SLC25A21: variants seen among roughly 807,000 people sequenced by gnomAD.
The protein encoded by SLC25A21 is mitochondrial 2-oxodicarboxylate carrier.
SLC25A21 carries 47 observed loss-of-function variants against 43.8 expected under a neutral mutation model. The observed-to-expected ratio is 1.07, with a 90% confidence interval of 0.85 to 1.37. The LOEUF is 1.37. SLC25A21 is among the 40% of genes most tolerant of loss of function. The probability of loss-of-function intolerance (pLI) is 0.00; values close to 1 mark genes in which losing one functional copy is unlikely to be tolerated. For synonymous variants in SLC25A21, 131 were observed against 121.3 expected (o/e 1.08, Z -0.52); for missense variants, 352 against 350.2 (o/e 1.00, Z -0.04).
chr14:36,762,919 T>C (rs1235066587), intron 3 of SLC25A21, among the ~76,000 whole-genome samples: 1 of 152,210 alleles, frequency 6.6e-6, no homozygotes, highest in Non-Finnish European at 1.5e-5. Context: ...ACATACTTAT[T>C]CAGACAATTT....
At chr14:37,009,270 A>G in intron 1 of SLC25A21, among the ~76,000 whole-genome samples, 1 of 152,066 alleles carries the variant, frequency 6.6e-6, no homozygotes, top group East Asian at 1.9e-4. Flanking sequence ...GGTGAATCAT[A>G]TGAGGTCAGG....
rs905660716 is a variant in SLC25A21, at chr14:36,832,892, T to C, written c.120-18891A>G. On this transcript the variant is annotated intron_variant, in intron 2 of 9. Coordinates refer to ENST00000331299, the MANE Select transcript of SLC25A21 (RefSeq NM_030631.4). ...TTTTTTGTGATTAAGCAATAAAGAA[T>C]ATTGTATCAGATTCTATTTGTACTT... Among the ~76,000 whole-genome samples, 6 of 152,192 alleles carry C rather than the reference T, an allele frequency of 3.9e-5. No homozygotes were observed. The East Asian group carries it at 1.2e-3, about 29-fold the overall frequency.
Position 36,934,337 on chromosome 14 carries a change from G to A in SLC25A21, c.71-59333C>T, listed in dbSNP as rs546785442. Among the ~76,000 whole-genome samples, 70 of 152,058 alleles carry A rather than the reference G, an allele frequency of 4.6e-4. 1 individual carries two copies. Among genetic ancestry groups the A allele is most frequent in the African/African-American group, 1.7e-3 (69 of 41,496 alleles). On this transcript the variant is annotated intron_variant, in intron 1 of 9. Transcript: ENST00000331299. ...AGGAAGGAGAATCTCTATAATTGAA[G>A]TGCTGAAGCAAAAGGAAACCCACAA...
chr14:36,914,990 T>C (rs1007915136), intron 1 of SLC25A21, among the ~76,000 whole-genome samples: 6 of 151,984 alleles, frequency 3.9e-5, no homozygotes, highest in Non-Finnish European at 7.4e-5. Flanking sequence ...TTGTTTAATA[T>C]AAGAAGATTT....
chr14:37,009,721 T>C (rs534268752), intron 1 of SLC25A21, among the ~76,000 whole-genome samples: 3 of 152,284 alleles, frequency 2.0e-5, no homozygotes, highest in East Asian at 3.9e-4. Flanking sequence ...AGCCTAGCCA[T>C]AGAATGCCCA....
chr14:37,125,715 T>C (rs932476711), intron 1 of SLC25A21, among the ~76,000 whole-genome samples: 5 of 152,190 alleles, frequency 3.3e-5, no homozygotes, highest in African/African-American at 1.2e-4. Context: ...TAGGTTAAAA[T>C]AAGGCAGACT....
At chr14:36,750,657 T>G (rs1566571735) in intron 3 of SLC25A21, among the ~76,000 whole-genome samples, 1 of 152,158 alleles carries the variant, frequency 6.6e-6, no homozygotes. Flanking sequence ...GAGGGGAAGT[T>G]TGAAAATTTG....
intron 6 of SLC25A21, among the ~76,000 whole-genome samples, chr14:36,714,883 C>CT (rs1233708205): frequency 1.3e-5 from 2 of 152,140 alleles, no homozygotes; most frequent in Non-Finnish European, 2.9e-5. Context: ...CAAATCTGTA[C>CT]TTTTACACTC....
At chr14:36,711,580 G>C (rs932826592) in intron 6 of SLC25A21, 98 bp from the exon 7 acceptor site, 11 of 1,346,130 alleles carry the variant, frequency 8.2e-6, no homozygotes, top group South Asian at 3.2e-5. Flanking sequence ...AATTATTAGG[G>C]ACTTTTTTCC....
intron 1 of SLC25A21, among the ~76,000 whole-genome samples, chr14:37,014,041 C>T (rs1960791803): frequency 6.6e-6 from 1 of 152,034 alleles, no homozygotes; most frequent in African/African-American, 2.4e-5. Flanking sequence ...TCATATGAGC[C>T]TTCAGCGAAC....
At chr14:36,809,767 T>C (rs1888169426) in intron 3 of SLC25A21, among the ~76,000 whole-genome samples, 1 of 152,122 alleles carries the variant, frequency 6.6e-6, no homozygotes, top group Non-Finnish European at 1.5e-5. Flanking sequence ...TTAGAGGAGA[T>C]AGGAAAAACC....
At position 36,678,606 on chromosome 14, in the gene SLC25A21, T is replaced by C. The variant is rs1312620086; in HGVS notation, c.*2052A>G. The C allele has an allele frequency of 2.1e-6, 3 of 1,454,996 alleles. No individual in the cohort carries two copies. The highest frequency in any genetic ancestry group is 2.4e-5 in the Admixed American group (1 of 41,506). 90.1% of individuals were successfully genotyped at this position (1,454,996 alleles called of 1,614,324 possible). A position where few individuals can be genotyped will look rare whatever the true frequency, so the allele number is the denominator to read the frequency against. On this transcript the variant is annotated 3_prime_UTR_variant, in exon 10 of 10. Coordinates refer to ENST00000331299, the MANE Select transcript of SLC25A21 (RefSeq NM_030631.4). ...TGTCATCTGAAAAACTGATGTAAGGTACAGAACTATTCTTTATCAAATGTT... is the reference window on the plus strand; with the variant it reads ...TGTCATCTGAAAAACTGATGTAAGGCACAGAACTATTCTTTATCAAATGTT...
At chr14:36,824,416 AC>A (rs1247177520) in intron 2 of SLC25A21, among the ~76,000 whole-genome samples, 2 of 152,140 alleles carry the variant, frequency 1.3e-5, no homozygotes, top group Admixed American at 1.3e-4. Context: ...TCAAATGAGG[AC>A]CCAATTTTCA....
intron 2 of SLC25A21, among the ~76,000 whole-genome samples, chr14:36,849,110 T>C (rs575804275): frequency 2.0e-5 from 3 of 152,286 alleles, no homozygotes; most frequent in Admixed American, 1.3e-4. Context: ...TTGAGGTAAG[T>C]ACAAAAATTG....
In SLC25A21 at chr14:36,850,390, A is replaced by G. The variant is rs570992844; in HGVS notation, c.119+24566T>C. Among the ~76,000 whole-genome samples the G allele has an allele frequency of 3.0e-4, 46 of 152,294 alleles. No individual in the cohort carries two copies. The South Asian group carries it at 9.3e-3, about 31-fold the overall frequency. On this transcript the variant is annotated intron_variant, in intron 2 of 9. Coordinates refer to ENST00000331299, the MANE Select transcript of SLC25A21 (RefSeq NM_030631.4). ...CTGGAGATCAGTCAAGTCACACTGA[A>G]TCAGGATTCAAACCCAGGCTCGTTT... is the stretch of plus-strand genomic sequence containing the variant.
intron 2 of SLC25A21, among the ~76,000 whole-genome samples, chr14:36,839,855 G>A (rs576312521): frequency 6.6e-6 from 1 of 152,320 alleles, no homozygotes; most frequent in Admixed American, 6.5e-5. Flanking sequence ...GTAGGCAATT[G>A]TAACACAATG....
chr14:36,766,073 G>A (rs528630219), intron 3 of SLC25A21, among the ~76,000 whole-genome samples: 4 of 150,354 alleles, frequency 2.7e-5, no homozygotes, highest in Admixed American at 1.3e-4. Flanking sequence ...CACCCCTCCC[G>A]TTTCTCTAGT....
intron 1 of SLC25A21, among the ~76,000 whole-genome samples, chr14:37,161,179 A>T (rs1963934725): frequency 6.6e-6 from 1 of 152,154 alleles, no homozygotes; most frequent in African/African-American, 2.4e-5. Context: ...TGCACAAATG[A>T]AAAAAGAGTG....
intron 1 of SLC25A21, among the ~76,000 whole-genome samples, chr14:36,928,539 T>A (rs1186573181): frequency 2.0e-5 from 3 of 152,146 alleles, no homozygotes; most frequent in Non-Finnish European, 2.9e-5. Flanking sequence ...ATGCTTATCC[T>A]CAAATGTATT....
Sources: gnomAD v4.1 joint callset for allele counts (sites outside exome capture counted in the v4.1 genomes callset) on GRCh38, gnomAD v4.1.1 for gene constraint, MANE v1.5 for transcripts, NCBI Gene and HGNC (gene_info 2026-07-23, HGNC 2026-07-21) for gene names.